The following CDH13 variants were observed in gnomAD, a reference collection of about 807,000 sequenced individuals.
CDH13 encodes cadherin-13.
A neutral mutation model predicts 63.8 loss-of-function variants in CDH13; 24 were observed. That is an observed-to-expected ratio of 0.38 (90% confidence interval 0.27 to 0.53). The LOEUF (loss-of-function observed/expected upper bound fraction) is 0.53, where lower values mean the gene tolerates loss of function less well. Among genes scored for constraint, CDH13 ranks in the 20% least tolerant of loss-of-function variants. CDH13 has a pLI of 0.85. For missense variants in CDH13, 1,049 were observed against 903.1 expected (o/e 1.16, Z -2.07); for synonymous variants, 503 against 355.3 (o/e 1.42, Z -4.67).
At chr16:82,899,912 C>G (rs1325386150) in intron 2 of CDH13, among the ~76,000 whole-genome samples, 1 of 152,174 alleles carries the variant, frequency 6.6e-6, no homozygotes, top group Non-Finnish European at 1.5e-5. Flanking sequence ...TGAGCATGTG[C>G]AAGTGATTAC....
intron 3 of CDH13, among the ~76,000 whole-genome samples, chr16:83,093,853 C>A (rs2034052921): frequency 6.6e-6 from 1 of 152,100 alleles, no homozygotes; most frequent in Non-Finnish European, 1.5e-5. Flanking sequence ...GAAGTAAATT[C>A]CCAGAAAGCA....
chr16:83,307,775 T>C (rs1046555059), intron 5 of CDH13, among the ~76,000 whole-genome samples: 1 of 152,214 alleles, frequency 6.6e-6, no homozygotes, highest in Non-Finnish European at 1.5e-5. Flanking sequence ...CCGGAAATGT[T>C]ACTGCTCTGA....
At chr16:83,453,709 C>T (rs2072943078) in intron 6 of CDH13, among the ~76,000 whole-genome samples, 2 of 152,068 alleles carry the variant, frequency 1.3e-5, no homozygotes, top group African/African-American at 2.4e-5. Flanking sequence ...ATGTTCTCTG[C>T]CGTACTCCCG....
At chr16:83,119,540 C>T (rs1215015792) in intron 3 of CDH13, among the ~76,000 whole-genome samples, 1 of 152,188 alleles carries the variant, frequency 6.6e-6, no homozygotes, top group Non-Finnish European at 1.5e-5. Flanking sequence ...CGCTGATCTT[C>T]AGTTCTTTCC....
At chr16:82,903,698 TG>T in intron 2 of CDH13, among the ~76,000 whole-genome samples, 1 of 152,324 alleles carries the variant, frequency 6.6e-6, no homozygotes, top group African/African-American at 2.4e-5. Context: ...CTTAGGGGGC[TG>T]TGCATATAGG....
chr16:82,694,153 G>A (rs2029972621), intron 1 of CDH13, among the ~76,000 whole-genome samples: 1 of 152,180 alleles, frequency 6.6e-6, no homozygotes, highest in Non-Finnish European at 1.5e-5. Flanking sequence ...CTTGCATATA[G>A]AGCTATTTAT....
chr16:83,086,334 T>C (rs2033592854), intron 3 of CDH13, among the ~76,000 whole-genome samples: 1 of 152,218 alleles, frequency 6.6e-6, no homozygotes, highest in Non-Finnish European at 1.5e-5. Flanking sequence ...AGATCTACCA[T>C]TTATAAGCTG....
chr16:83,031,279 C>T (rs1395129321), intron 2 of CDH13, among the ~76,000 whole-genome samples: 1 of 145,756 alleles, frequency 6.9e-6, no homozygotes, highest in African/African-American at 2.5e-5. Flanking sequence ...CGCATGTATA[C>T]ACCATATACA....
At chr16:83,065,337 T>G (rs1385206889) in intron 3 of CDH13, among the ~76,000 whole-genome samples, 1 of 152,154 alleles carries the variant, frequency 6.6e-6, no homozygotes, top group East Asian at 1.9e-4. Context: ...CTATGTTGAA[T>G]GCTGGTACAA....
At chr16:83,154,532 A>G (rs1388565727) in intron 4 of CDH13, among the ~76,000 whole-genome samples, 1 of 150,720 alleles carries the variant, frequency 6.6e-6, no homozygotes, top group African/African-American at 2.4e-5. Context: ...GCACCACTGC[A>G]CTCCAACCTG....
intron 5 of CDH13, among the ~76,000 whole-genome samples, chr16:83,289,057 C>G (rs963865914): frequency 2.0e-5 from 3 of 152,182 alleles, no homozygotes; most frequent in African/African-American, 7.2e-5. Context: ...CCTACATTCA[C>G]CAAGTGAGTC....
At chr16:83,580,398 A>G (rs1447175660) in intron 7 of CDH13, among the ~76,000 whole-genome samples, 1 of 151,016 alleles carries the variant, frequency 6.6e-6, no homozygotes, top group Non-Finnish European at 1.5e-5. Context: ...TCCAAAATCT[A>G]AGACTCTAAG....
intron 2 of CDH13, among the ~76,000 whole-genome samples, chr16:83,025,035 A>C (rs751762524): frequency 5.9e-5 from 9 of 152,156 alleles, no homozygotes; most frequent in Non-Finnish European, 8.8e-5. Context: ...ACAGAGGAGG[A>C]GGTAGAAAAA....
At chr16:82,700,352 G>A (rs2030832638) in intron 1 of CDH13, among the ~76,000 whole-genome samples, 1 of 152,214 alleles carries the variant, frequency 6.6e-6, no homozygotes, top group Admixed American at 6.5e-5. Context: ...TCAGTACCAT[G>A]CGTAAAACGT....
chr16:83,242,046 G>C (rs182661699), intron 5 of CDH13, among the ~76,000 whole-genome samples: 60 of 152,228 alleles, frequency 3.9e-4, no homozygotes, highest in Middle Eastern at 3.4e-3. Flanking sequence ...GTTCAGTTTT[G>C]CTTGTGGATA....
intron 2 of CDH13, among the ~76,000 whole-genome samples, chr16:82,987,435 G>T (rs773381130): frequency 1.8e-4 from 28 of 152,256 alleles, no homozygotes; most frequent in Non-Finnish European, 3.7e-4. Flanking sequence ...GGAATACAGT[G>T]TCACGATCCT....
At chr16:82,815,489 T>C (rs1403224131) in intron 1 of CDH13, among the ~76,000 whole-genome samples, 3 of 152,134 alleles carry the variant, frequency 2.0e-5, no homozygotes, top group African/African-American at 7.2e-5. Flanking sequence ...GAACAATGCG[T>C]GGAACATGGA....
chr16:82,897,845 C>A (rs1432471509), intron 2 of CDH13, among the ~76,000 whole-genome samples: 1 of 152,204 alleles, frequency 6.6e-6, no homozygotes, highest in Admixed American at 6.5e-5. Flanking sequence ...TTTCTTTATT[C>A]ATTCATTTAT....
intron 6 of CDH13, among the ~76,000 whole-genome samples, chr16:83,431,117 T>G (rs1045460954): frequency 6.6e-6 from 1 of 151,944 alleles, no homozygotes; most frequent in Non-Finnish European, 1.5e-5. Flanking sequence ...GATTTCCAGT[T>G]TCATCCATGT....
Sources: gnomAD v4.1 joint callset for allele counts (sites outside exome capture counted in the v4.1 genomes callset) on GRCh38, gnomAD v4.1.1 for gene constraint, MANE v1.5 for transcripts, NCBI Gene and HGNC (gene_info 2026-07-23, HGNC 2026-07-21) for gene names.